Variants in NWD2 observed in about 807,000 individuals in gnomAD.
NWD2 encodes NACHT and WD repeat domain-containing protein 2.
NWD2 carries 37 observed loss-of-function variants against 132.7 expected under a neutral mutation model. The ratio of observed to expected loss-of-function variants is 0.28; its 90% confidence interval spans 0.21 to 0.37. The LOEUF (loss-of-function observed/expected upper bound fraction) is 0.37, where lower values mean the gene tolerates loss of function less well. Ranked by LOEUF, NWD2 falls within the 10% of genes least tolerant of loss-of-function variation. The probability of loss-of-function intolerance (pLI) is 1.00; values close to 1 mark genes in which losing one functional copy is unlikely to be tolerated. For synonymous variants in NWD2, 705 were observed against 803.0 expected, an observed-to-expected ratio of 0.88 and a Z score of 2.06; for missense variants, 1,592 against 2,122.4, an observed-to-expected ratio of 0.75 and a Z score of 4.91.
chr4:37,440,395 C>A (rs1414227196), intron 6 of NWD2, among the ~76,000 whole-genome samples: 1 of 152,176 alleles, frequency 6.6e-6, no homozygotes, highest in East Asian at 1.9e-4. Flanking sequence ...GGGCCAGTCC[C>A]AGCCCTGTAG....
chr4:37,313,237 G>A (rs1216673182), intron 1 of NWD2, among the ~76,000 whole-genome samples: 2 of 151,014 alleles, frequency 1.3e-5, no homozygotes, highest in Non-Finnish European at 1.5e-5. Flanking sequence ...GGTAGAATTC[G>A]GCTGTGAATC....
intron 6 of NWD2, among the ~76,000 whole-genome samples, chr4:37,440,253 C>T (rs1044401105): frequency 1.4e-4 from 21 of 151,990 alleles, no homozygotes; most frequent in Non-Finnish European, 2.1e-4. Context: ...TGTCTACATC[C>T]CAGCACACTC....
chr4:37,432,731 A>G (rs1272398960), intron 4 of NWD2, among the ~76,000 whole-genome samples: 4 of 152,104 alleles, frequency 2.6e-5, no homozygotes, highest in East Asian at 3.8e-4. Context: ...ATATTCATGC[A>G]TCTTATAGAG....
intron 2 of NWD2, among the ~76,000 whole-genome samples, chr4:37,344,515 A>T (rs1719591595): frequency 6.6e-6 from 1 of 152,178 alleles, no homozygotes; most frequent in Non-Finnish European, 1.5e-5. Context: ...GAAATAACAG[A>T]TGCAAAACTA....
intron 2 of NWD2, among the ~76,000 whole-genome samples, chr4:37,345,096 T>A (rs1408233814): frequency 6.6e-6 from 1 of 152,210 alleles, no homozygotes; most frequent in Non-Finnish European, 1.5e-5. Flanking sequence ...GTGGATTATG[T>A]CTTATTTATT....
chr4:37,419,982 G>C (rs1342096569), intron 3 of NWD2, among the ~76,000 whole-genome samples: 3 of 152,138 alleles, frequency 2.0e-5, no homozygotes, highest in African/African-American at 7.2e-5. Flanking sequence ...TTGGCACTCT[G>C]TCTGAGAGTG....
chr4:37,267,928 T>C (rs1373056968), intron 1 of NWD2, among the ~76,000 whole-genome samples: 1 of 151,912 alleles, frequency 6.6e-6, no homozygotes, highest in African/African-American at 2.4e-5. Context: ...GTGTTCTGCC[T>C]CCAGTACTGA....
intron 3 of NWD2, among the ~76,000 whole-genome samples, chr4:37,393,962 A>G (rs944275534): frequency 1.7e-4 from 26 of 152,210 alleles, no homozygotes; most frequent in Non-Finnish European, 3.8e-4. Flanking sequence ...ACCTGCAAAC[A>G]TGAGTGTTGT....
At chr4:37,298,172 T>A (rs1718538152) in intron 1 of NWD2, among the ~76,000 whole-genome samples, 1 of 152,130 alleles carries the variant, frequency 6.6e-6, no homozygotes, top group Admixed American at 6.6e-5. Context: ...ATTGGTTATA[T>A]TAATAATTTT....
intron 1 of NWD2, among the ~76,000 whole-genome samples, chr4:37,269,936 G>C (rs1460660638): frequency 6.6e-6 from 1 of 151,668 alleles, no homozygotes; most frequent in East Asian, 1.9e-4. Flanking sequence ...TCTGAAACTG[G>C]TTGTACCATT....
chr4:37,264,844 T>C (rs1717715718), intron 1 of NWD2, among the ~76,000 whole-genome samples: 1 of 152,120 alleles, frequency 6.6e-6, no homozygotes, highest in African/African-American at 2.4e-5. Flanking sequence ...CATTGTCTAA[T>C]CAAAATGACA....
chr4:37,356,148 T>C (rs1468061718), intron 2 of NWD2, among the ~76,000 whole-genome samples: 1 of 152,086 alleles, frequency 6.6e-6, no homozygotes, highest in African/African-American at 2.4e-5. Context: ...TCTGGGCCCA[T>C]GTCAGCAGTA....
intron 1 of NWD2, among the ~76,000 whole-genome samples, chr4:37,255,807 G>A (rs1344261613): frequency 3.3e-5 from 5 of 152,080 alleles, no homozygotes; most frequent in Admixed American, 6.5e-5. Context: ...CCAGAGGGTT[G>A]GGACAGAAAT....
intron 1 of NWD2, among the ~76,000 whole-genome samples, chr4:37,283,161 A>C (rs907294504): frequency 6.6e-6 from 1 of 152,174 alleles, no homozygotes; most frequent in South Asian, 2.1e-4. Flanking sequence ...TTCTGTAACC[A>C]AAGAAAAGCC....
rs534666149 is a variant in NWD2 at position 37,419,778 on chromosome 4, A to G, written c.358-10794A>G. On this transcript the variant is annotated intron_variant, in intron 3 of 6. Transcript: ENST00000309447. ...TTATGGGAATTCATCATCTTGGGAA[A>G]TTTTACTCTCAGTTTTCTTGTTTAT... Among the ~76,000 whole-genome samples, 4 of 152,306 alleles carry G rather than the reference A, an allele frequency of 2.6e-5. No homozygotes were observed. In the East Asian group the frequency reaches 7.7e-4, roughly 29 times the overall value.
At chr4:37,348,263 G>T (rs1002267932) in intron 2 of NWD2, among the ~76,000 whole-genome samples, 2 of 152,152 alleles carry the variant, frequency 1.3e-5, no homozygotes, top group African/African-American at 4.8e-5. Context: ...CTGTTAACAA[G>T]TTCGTTAACA....
At chr4:37,302,507 C>G (rs895781562) in intron 1 of NWD2, among the ~76,000 whole-genome samples, 3 of 151,964 alleles carry the variant, frequency 2.0e-5, no homozygotes, top group African/African-American at 7.2e-5. Flanking sequence ...TATGTTAGTT[C>G]TATTTTCAGT....
rs1000860100 is a variant in NWD2, at chr4:37,252,795, A to G, written c.151+7577A>G. ...ATAGGGGATTGGCTTCCTCAGAGAA[A>G]GGAAATGGAAGCTGCCCATCCTCTT... On this transcript the variant is annotated intron_variant, in intron 1 of 6. Coordinates refer to ENST00000309447, the MANE Select transcript of NWD2 (RefSeq NM_001144990.2). Among the ~76,000 whole-genome samples the G allele has an allele frequency of 1.1e-4, 17 of 152,288 alleles. No homozygotes were observed. The South Asian group carries it at 3.5e-3, about 32-fold the overall frequency.
At chr4:37,389,937 G>A (rs1720647082) in intron 3 of NWD2, among the ~76,000 whole-genome samples, 1 of 152,042 alleles carries the variant, frequency 6.6e-6, no homozygotes, top group East Asian at 1.9e-4. Flanking sequence ...CCACCACCAT[G>A]CCTGGCTAAT....
Sources: allele counts gnomAD v4.1 joint callset (sites outside exome capture counted in the v4.1 genomes callset), GRCh38; gene constraint gnomAD v4.1.1; transcripts MANE v1.5; gene names NCBI Gene and HGNC (gene_info 2026-07-23, HGNC 2026-07-21).